Variants in GTF2I observed in about 807,000 individuals in gnomAD.
The protein encoded by GTF2I is general transcription factor IIi.
In GTF2I, 12 loss-of-function variants were observed where a neutral mutation model predicts 67.6. That is an observed-to-expected ratio of 0.18 (90% confidence interval 0.11 to 0.29). The LOEUF (loss-of-function observed/expected upper bound fraction) is 0.29, where lower values mean the gene tolerates loss of function less well. Ranked by LOEUF, GTF2I falls within the 10% of genes least tolerant of loss-of-function variation. GTF2I has a pLI of 1.00. For synonymous variants in GTF2I, 149 were observed against 197.0 expected (o/e 0.76, Z 2.04); for missense variants, 271 against 580.1 (o/e 0.47, Z 5.47).
intron 1 of GTF2I, among the ~76,000 whole-genome samples, chr7:74,662,328 A>G (rs1804579255): frequency 6.9e-6 from 1 of 145,560 alleles, no homozygotes; most frequent in Non-Finnish European, 1.5e-5. Flanking sequence ...CTCCTGCCTC[A>G]GCCTCCGGAG....
chr7:74,661,729 C>T lies in GTF2I; in HGVS notation c.-6+3661C>T, dbSNP rs79365262. Among the ~76,000 whole-genome samples, 859 of 151,950 alleles carry T rather than the reference C, an allele frequency of 5.7e-3. 8 individuals are homozygous for T. Among genetic ancestry groups the T allele is most frequent in the African/African-American group, 0.02 (826 of 41,452 alleles). ...GTTAAAGAATGAAAAATAATTCGGACGACTGACGGTAGATTGCTCAGAAAA... is the reference window on the plus strand; with the variant it reads ...GTTAAAGAATGAAAAATAATTCGGATGACTGACGGTAGATTGCTCAGAAAA... On this transcript the variant is annotated intron_variant, in intron 1 of 34. Coordinates refer to ENST00000573035, the MANE Select transcript of GTF2I (RefSeq NM_032999.4).
chr7:74,727,641 T>G (rs1794021346), intron 12 of GTF2I: 1 of 152,252 alleles, frequency 6.6e-6, no homozygotes, highest in Non-Finnish European at 1.5e-5. Flanking sequence ...ATACCACATT[T>G]GTTTTTAAAT....
At chr7:74,693,216 A>G (rs186847574) in intron 3 of GTF2I, among the ~76,000 whole-genome samples, 82 of 147,450 alleles carry the variant, frequency 5.6e-4, no homozygotes, top group Admixed American at 5.0e-3. Flanking sequence ...AACTCTTGGC[A>G]TAGCATTATT....
chr7:74,680,093 A>ATAT (rs1187116816), intron 1 of GTF2I, among the ~76,000 whole-genome samples: 42 of 99,376 alleles, frequency 4.2e-4, no homozygotes, highest in South Asian at 1.7e-3. Context: ...AAAAAAAAAA[A>ATAT]AAAAAAATAT....
intron 1 of GTF2I, among the ~76,000 whole-genome samples, chr7:74,666,988 AAAAC>A (rs1358757469): frequency 6.6e-6 from 1 of 151,520 alleles, no homozygotes; most frequent in African/African-American, 2.4e-5. Flanking sequence ...TCAAAAAACA[AAAAC>A]AAATTAGCTA....
chr7:74,704,292 A>ATTTTTTTTTTT (rs1554400685), intron 6 of GTF2I, among the ~76,000 whole-genome samples: 1 of 149,258 alleles, frequency 6.7e-6, no homozygotes, highest in Non-Finnish European at 1.5e-5. Context: ...TTATTTATTT[A>ATTTTTTTTTTT]TTTTTTTATT....
chr7:74,666,852 T>C (rs1269480271), intron 1 of GTF2I, among the ~76,000 whole-genome samples: 14 of 145,948 alleles, frequency 9.6e-5, no homozygotes, highest in Non-Finnish European at 1.8e-4. Flanking sequence ...TGATGGCGGG[T>C]GCCTGTAGTC....
At chr7:74,680,608 G>A (rs782665697) in intron 1 of GTF2I, among the ~76,000 whole-genome samples, 4 of 152,068 alleles carry the variant, frequency 2.6e-5, no homozygotes, top group Non-Finnish European at 5.9e-5. Flanking sequence ...CGGGCGTGGT[G>A]CTGCAAGTCT....
intron 10 of GTF2I, among the ~76,000 whole-genome samples, chr7:74,715,313 G>T (rs935035949): frequency 6.6e-6 from 1 of 151,946 alleles, no homozygotes; most frequent in East Asian, 1.9e-4. Context: ...TGTAAGTTTC[G>T]AATTGATTGC....
At chr7:74,666,511 CTTTCTTCGTTTT>C (rs1327434583) in intron 1 of GTF2I, among the ~76,000 whole-genome samples, 1 of 93,406 alleles carries the variant, frequency 1.1e-5, no homozygotes, top group Non-Finnish European at 2.1e-5. Context: ...TGTTCGTTTT[CTTTCTTCGTTTT>C]CCCCCCCGGT....
chr7:74,683,745 C>G (rs587751762), intron 1 of GTF2I, among the ~76,000 whole-genome samples: 3 of 152,050 alleles, frequency 2.0e-5, no homozygotes, highest in East Asian at 3.9e-4. Flanking sequence ...CCCAGCTACT[C>G]GGGAGGCAGA....
chr7:74,685,470 C>G (rs2131271832), intron 1 of GTF2I, among the ~76,000 whole-genome samples: 1 of 152,080 alleles, frequency 6.6e-6, no homozygotes, highest in African/African-American at 2.4e-5. Context: ...GCACTTCAGC[C>G]TGGGCAACAA....
chr7:74,719,762 A>C (rs1792700536), intron 12 of GTF2I, among the ~76,000 whole-genome samples: 2 of 152,082 alleles, frequency 1.3e-5, no homozygotes, highest in African/African-American at 4.8e-5. Context: ...CTCTACTAAA[A>C]ATACAAAACT....
chr7:74,680,621 A>G (rs1554393919), intron 1 of GTF2I, among the ~76,000 whole-genome samples: 1 of 152,136 alleles, frequency 6.6e-6, no homozygotes, highest in East Asian at 1.9e-4. Flanking sequence ...GCAAGTCTGT[A>G]GTCCCAGCTA....
At chr7:74,694,302 G>A (rs1554397865) in intron 3 of GTF2I, among the ~76,000 whole-genome samples, 1 of 152,050 alleles carries the variant, frequency 6.6e-6, no homozygotes, top group Non-Finnish European at 1.5e-5. Context: ...GAAAGACACA[G>A]TCAGCTGGGG....
chr7:74,689,927 C>T (rs1554396541), intron 2 of GTF2I, among the ~76,000 whole-genome samples: 3 of 151,584 alleles, frequency 2.0e-5, no homozygotes, highest in African/African-American at 7.3e-5. Flanking sequence ...ATGTTGGTCA[C>T]GCGGGTCTCG....
In GTF2I at chr7:74,732,665, A is replaced by G. The variant is rs781836405; in HGVS notation, c.1304+3A>G. On this transcript the variant is annotated splice_donor_region_variant and intron_variant, in intron 15 of 34. Transcript: ENST00000573035. ...AGGATTCGTTTTGTGATTAAGAAGT[A>G]AGACTCTTGGATTCCTGTTGAACTC... is the stretch of plus-strand genomic sequence containing the variant. The G allele has an allele frequency of 6.4e-7, 1 of 1,556,602 alleles. No homozygotes were observed. Among genetic ancestry groups the G allele is most frequent in the Non-Finnish European group, 8.6e-7 (1 of 1,157,034 alleles).
chr7:74,690,075 C>T (rs587693786), intron 2 of GTF2I, among the ~76,000 whole-genome samples: 2 of 152,158 alleles, frequency 1.3e-5, no homozygotes, highest in South Asian at 2.1e-4. Flanking sequence ...AATTAGCCAG[C>T]GTGGCAGCGT....
intron 6 of GTF2I, among the ~76,000 whole-genome samples, chr7:74,703,408 C>T (rs1431521804): frequency 6.6e-6 from 1 of 151,654 alleles, no homozygotes; most frequent in African/African-American, 2.4e-5. Context: ...GAGACAGAGT[C>T]TCGCTGTGTC....
Sources: allele counts gnomAD v4.1 joint callset (sites outside exome capture counted in the v4.1 genomes callset), GRCh38; gene constraint gnomAD v4.1.1; transcripts MANE v1.5; gene names NCBI Gene and HGNC (gene_info 2026-07-23, HGNC 2026-07-21).